CSRNP3: variants seen among roughly 807,000 people sequenced by gnomAD.
CSRNP3 encodes cysteine and serine rich nuclear protein 3.
Under a neutral mutation model 48.0 loss-of-function variants are expected in CSRNP3, and 12 were observed. That is an observed-to-expected ratio of 0.25 (90% confidence interval 0.16 to 0.41). CSRNP3 has a LOEUF of 0.41. Among genes scored for constraint, CSRNP3 ranks in the 10% least tolerant of loss-of-function variants. The probability of loss-of-function intolerance (pLI) is 1.00; values close to 1 mark genes in which losing one functional copy is unlikely to be tolerated. For missense variants in CSRNP3, 580 were observed against 724.4 expected, an observed-to-expected ratio of 0.80 and a Z score of 2.29; for synonymous variants, 263 against 269.7, an observed-to-expected ratio of 0.98 and a Z score of 0.24.
intron 3 of CSRNP3, among the ~76,000 whole-genome samples, chr2:165,536,502 T>C (rs1173340993): frequency 1.3e-5 from 2 of 151,920 alleles, no homozygotes; most frequent in Non-Finnish European, 2.9e-5. Context: ...CCTTACTATT[T>C]AAAGTATTGG....
At chr2:165,481,677 T>C (rs916506208) in intron 1 of CSRNP3, among the ~76,000 whole-genome samples, 5 of 152,158 alleles carry the variant, frequency 3.3e-5, no homozygotes, top group African/African-American at 4.8e-5. Context: ...TAGAGTATGA[T>C]TTTTGTTTTT....
At chr2:165,477,560 T>G (rs1014636946) in intron 1 of CSRNP3, among the ~76,000 whole-genome samples, 8 of 147,356 alleles carry the variant, frequency 5.4e-5, no homozygotes, top group African/African-American at 7.5e-5. Context: ...TCCCAGCTAC[T>G]CAGGAGGCTG....
intron 5 of CSRNP3, among the ~76,000 whole-genome samples, chr2:165,664,894 A>C (rs1201871546): frequency 6.6e-6 from 1 of 152,128 alleles, no homozygotes; most frequent in African/African-American, 2.4e-5. Flanking sequence ...AGCAAACAAA[A>C]CTCAGATCTT....
chr2:165,495,732 C>T (rs1433162623), intron 2 of CSRNP3, among the ~76,000 whole-genome samples: 2 of 152,052 alleles, frequency 1.3e-5, no homozygotes, highest in Admixed American at 1.3e-4. Flanking sequence ...ACCCACCCCT[C>T]ATGAGATGAT....
intron 3 of CSRNP3, among the ~76,000 whole-genome samples, chr2:165,526,239 TAGCTTGTAGATATCTACAAAAA>T (rs1684730402): frequency 6.6e-6 from 1 of 152,206 alleles, no homozygotes. Context: ...ATTTTAGAGT[TAGCTTGTAGATATCTACAAAAA>T]AGCCTGCTGA....
rs530879947 is a variant in CSRNP3 at position 165,614,527 on chromosome 2, A to G, written c.148+19314A>G. On this transcript the variant is annotated intron_variant, in intron 4 of 6. Transcript: ENST00000651982. ...TCCCGTTTTTAGAGTAAAGGCTTTC[A>G]GCTTTTCCCTATTCAGTATGATGTT... Among the ~76,000 whole-genome samples the G allele has an allele frequency of 5.9e-5, 9 of 152,280 alleles. No homozygotes were observed. The East Asian group carries it at 1.7e-3, about 29-fold the overall frequency.
intron 4 of CSRNP3, among the ~76,000 whole-genome samples, chr2:165,637,312 G>T (rs1227274639): frequency 1.3e-5 from 2 of 152,218 alleles, no homozygotes; most frequent in Non-Finnish European, 2.9e-5. Context: ...AACTTAATTT[G>T]TCTGGGTCTT....
chr2:165,491,897 A>G (rs370011312), intron 1 of CSRNP3, among the ~76,000 whole-genome samples: 2,711 of 144,640 alleles, frequency 0.019, 46 homozygotes, highest in Non-Finnish European at 0.033. Flanking sequence ...ACATGTATAC[A>G]TATGTAACTA....
chr2:165,570,200 G>A (rs1442579463), intron 3 of CSRNP3, among the ~76,000 whole-genome samples: 1 of 151,944 alleles, frequency 6.6e-6, no homozygotes, highest in Non-Finnish European at 1.5e-5. Context: ...GAGAATAGCC[G>A]ACCTGGAGAG....
chr2:165,633,766 A>C (rs1263742395), intron 4 of CSRNP3, among the ~76,000 whole-genome samples: 1 of 152,198 alleles, frequency 6.6e-6, no homozygotes, highest in East Asian at 1.9e-4. Flanking sequence ...TTTCTGTTAA[A>C]TATAACTAGT....
chr2:165,629,470 C>T (rs1340837997), intron 4 of CSRNP3, among the ~76,000 whole-genome samples: 1 of 152,176 alleles, frequency 6.6e-6, no homozygotes, highest in East Asian at 1.9e-4. Context: ...GTAAAGCTCC[C>T]ATGGTTTTTC....
intron 5 of CSRNP3, among the ~76,000 whole-genome samples, chr2:165,675,696 G>C (rs1687412515): frequency 6.6e-6 from 1 of 152,174 alleles, no homozygotes; most frequent in Non-Finnish European, 1.5e-5. Context: ...CCTGCCCTCT[G>C]TTCTTTGTCT....
At chr2:165,561,122 A>AT (rs1685228579) in intron 3 of CSRNP3, among the ~76,000 whole-genome samples, 1 of 152,130 alleles carries the variant, frequency 6.6e-6, no homozygotes, top group East Asian at 1.9e-4. Context: ...TAAAATTTAA[A>AT]TTTTTCTGCA....
intron 1 of CSRNP3, among the ~76,000 whole-genome samples, chr2:165,488,494 T>G (rs1684153998): frequency 8.3e-6 from 1 of 120,210 alleles, no homozygotes; most frequent in Non-Finnish European, 1.7e-5. Context: ...AGAATATACA[T>G]TTTTTTCAGC....
chr2:165,491,979 A>C (rs993749918), intron 1 of CSRNP3, among the ~76,000 whole-genome samples: 3 of 150,512 alleles, frequency 2.0e-5, no homozygotes, highest in Non-Finnish European at 3.0e-5. Flanking sequence ...AAAGCTAGAA[A>C]CCAGAGATGG....
At chr2:165,515,463 G>C (rs1206051155) in intron 2 of CSRNP3, among the ~76,000 whole-genome samples, 1 of 151,360 alleles carries the variant, frequency 6.6e-6, no homozygotes, top group Non-Finnish European at 1.5e-5. Flanking sequence ...ATACAATTAT[G>C]TTTTTGAATT....
At chr2:165,615,293 C>T (rs1686218632) in intron 4 of CSRNP3, among the ~76,000 whole-genome samples, 1 of 152,092 alleles carries the variant, frequency 6.6e-6, no homozygotes, top group Non-Finnish European at 1.5e-5. Flanking sequence ...CCTGTAATCC[C>T]AGCACTTTGG....
chr2:165,538,919 A>G (rs1370383662), intron 3 of CSRNP3, among the ~76,000 whole-genome samples: 4 of 151,916 alleles, frequency 2.6e-5, no homozygotes, highest in Non-Finnish European at 5.9e-5. Flanking sequence ...TAACAATTCT[A>G]TCACCACAAA....
intron 1 of CSRNP3, among the ~76,000 whole-genome samples, chr2:165,487,771 G>A (rs965354826): frequency 6.6e-6 from 1 of 150,602 alleles, no homozygotes; most frequent in East Asian, 1.9e-4. Flanking sequence ...CACCAGGCCT[G>A]CCCTAAAAGA....
Sources: allele counts gnomAD v4.1 joint callset (sites outside exome capture counted in the v4.1 genomes callset), GRCh38; gene constraint gnomAD v4.1.1; transcripts MANE v1.5; gene names NCBI Gene and HGNC (gene_info 2026-07-23, HGNC 2026-07-21).